HM13: variants seen among roughly 807,000 people sequenced by gnomAD.
HM13 encodes the protein signal peptide peptidase.
Under a neutral mutation model 50.0 loss-of-function variants are expected in HM13, and 18 were observed. That is an observed-to-expected ratio of 0.36 (90% CI 0.25 to 0.53). The LOEUF is 0.53. HM13 is among the 20% of genes least tolerant of loss of function. The pLI is 0.90. For missense variants in HM13, 393 were observed against 552.4 expected (o/e 0.71, Z 2.89); for synonymous variants, 197 against 232.6 (o/e 0.85, Z 1.39).
At position 31,554,669 on chromosome 20, in the gene HM13, G is replaced by A. The variant is rs1248764996; in HGVS notation, c.725-77G>A. ...TGCACTCCAGCCTGGGTGACAGTGC[G>A]AGACTCCGTCTCAAAAAAAAAAAAA... On this transcript the variant is annotated intron_variant, in intron 7 of 12. Coordinates refer to ENST00000398174, the MANE Select transcript of HM13 (RefSeq NM_178581.3). 1.2e-5 allele frequency: 15 copies of A among 1,251,582 alleles called. No individual in the cohort carries two copies. In the South Asian group the frequency reaches 1.4e-4, roughly 11 times the overall value. 77.5% of individuals were successfully genotyped at this position (1,251,582 alleles called of 1,614,324 possible).
intron 2 of HM13, chr20:31,527,853 G>A: frequency 2.9e-6 from 1 of 347,826 alleles, no homozygotes; most frequent in Non-Finnish European, 5.1e-6. Flanking sequence ...TGTTGGGATG[G>A]GGTATAGCTT....
At chr20:31,529,654 A>T (rs547478044) in intron 2 of HM13, among the ~76,000 whole-genome samples, 28 of 152,252 alleles carry the variant, frequency 1.8e-4, no homozygotes, top group Non-Finnish European at 2.6e-4. Flanking sequence ...AGTGGCCCAC[A>T]CCTGTGATCC....
intron 10 of HM13, among the ~76,000 whole-genome samples, chr20:31,564,713 G>A (rs1984795914): frequency 6.6e-6 from 1 of 151,500 alleles, no homozygotes; most frequent in African/African-American, 2.4e-5. Context: ...CATCTCTACT[G>A]AAAAATACAA....
chr20:31,542,460 G>T (rs552619975), intron 3 of HM13, among the ~76,000 whole-genome samples: 1 of 152,338 alleles, frequency 6.6e-6, no homozygotes, highest in East Asian at 1.9e-4. Context: ...GCTTGTCAGT[G>T]GGAAGCAATG....
At chr20:31,548,646 A>G (rs1185734986) in intron 4 of HM13, 1 of 281,482 alleles carries the variant, frequency 3.6e-6, no homozygotes, top group Non-Finnish European at 6.9e-6. Flanking sequence ...CAGCAGCCCT[A>G]AGAAGGGGTG....
intron 4 of HM13, chr20:31,548,100 G>T: frequency 8.4e-7 from 1 of 1,195,428 alleles, no homozygotes; most frequent in East Asian, 2.3e-5. Context: ...TGATTGTGTC[G>T]TATGTGTGTT....
chr20:31,539,020 A>G (rs1490393408), intron 3 of HM13: 4 of 941,476 alleles, frequency 4.2e-6, no homozygotes, highest in East Asian at 1.2e-4. Flanking sequence ...CTAATAAGCA[A>G]CAGAGCCAGG....
intron 10 of HM13, among the ~76,000 whole-genome samples, chr20:31,563,786 GA>G (rs1449622238): frequency 6.6e-6 from 1 of 152,106 alleles, no homozygotes; most frequent in Non-Finnish European, 1.5e-5. Flanking sequence ...CGTTAAGAAT[GA>G]AGTCTCCGGC....
At chr20:31,517,748 G>A (rs761357836) in intron 1 of HM13, among the ~76,000 whole-genome samples, 8 of 151,910 alleles carry the variant, frequency 5.3e-5, no homozygotes, top group African/African-American at 9.7e-5. Context: ...CAGGAAGCCC[G>A]TGGCCTTTCT....
At chr20:31,566,358 A>G in intron 11 of HM13, 63 bp downstream of exon 11, 9 of 1,329,396 alleles carry the variant, frequency 6.8e-6, no homozygotes, top group Non-Finnish European at 9.8e-6. Flanking sequence ...CAGTCAGTGG[A>G]ACCTGCTGGG....
Position 31,527,511 on chromosome 20 carries a change from A to G in HM13, c.211A>G (p.Thr71Ala). 1.2e-6 allele frequency: 2 copies of G among 1,614,018 alleles called. No individual in the cohort carries two copies. The highest frequency in any genetic ancestry group is 1.7e-6 in the Non-Finnish European group (2 of 1,179,938). Residue 71 changes from threonine (T) to alanine (A), a missense_variant, in exon 2 of 13, where the codon ACC (threonine) becomes GCC (alanine). By Grantham distance (58) the Thr-to-Ala change is moderately conservative. Transcript: ENST00000398174. ...TGCTTCAGACATGCCTGAAACAATC[A>G]CCAGCCGGGATGCCGCCCGCTTCCC... ...KNASDMPETI[T>A]SRDAARFPII...
In HM13 at chr20:31,548,100, G is replaced by A. The variant is rs892525471; in HGVS notation, c.455-929G>A. The A allele has an allele frequency of 1.3e-4, 157 of 1,195,306 alleles. No individual in the cohort carries two copies. In the Admixed American group the frequency reaches 2.0e-3, roughly 15 times the overall value. The allele number at this position is 1,195,306 out of a possible 1,614,324, so 74.0% of individuals were successfully genotyped here. ...GCTAAATGTGGATATTGATTGTGTC[G>A]TATGTGTGTTTGTGTCTGTGTGTGA... On this transcript the variant is annotated intron_variant, in intron 4 of 12. Coordinates refer to ENST00000398174, the MANE Select transcript of HM13 (RefSeq NM_178581.3).
chr20:31,539,062 C>T (rs1032452513), intron 3 of HM13: 2 of 985,272 alleles, frequency 2.0e-6, no homozygotes, highest in Non-Finnish European at 2.4e-6. Context: ...CAGAGCCCAT[C>T]CTCTTCCCAC....
At chr20:31,558,619 G>A (rs2122649251) in intron 8 of HM13, among the ~76,000 whole-genome samples, 2 of 152,152 alleles carry the variant, frequency 1.3e-5, no homozygotes, top group South Asian at 4.2e-4. Flanking sequence ...CCCAGCCTAG[G>A]TCTCATCCTG....
intron 1 of HM13, among the ~76,000 whole-genome samples, chr20:31,521,995 C>T (rs1356305959): frequency 6.6e-6 from 1 of 151,706 alleles, no homozygotes; most frequent in African/African-American, 2.4e-5. Flanking sequence ...TCTGACTCAG[C>T]ATTGCAGCAT....
At chr20:31,552,105 A>T (rs1052433698) in intron 7 of HM13, among the ~76,000 whole-genome samples, 1 of 151,878 alleles carries the variant, frequency 6.6e-6, no homozygotes, top group African/African-American at 2.4e-5. Flanking sequence ...AAGGGAACAG[A>T]TGCTGGGCCA....
intron 4 of HM13, among the ~76,000 whole-genome samples, chr20:31,546,406 G>A (rs1983722006): frequency 6.6e-6 from 1 of 151,854 alleles, no homozygotes; most frequent in South Asian, 2.1e-4. Context: ...TTATGTGATT[G>A]CTTTGTGCAT....
Position 31,568,113 on chromosome 20 carries a change from C to T in HM13, c.1070C>T (p.Pro357Leu), listed in dbSNP as rs778447839. ...ESSAEILPHT[P>L]RLTHFPTVSG... is the part of the protein sequence containing the mutation. ...TCGGCGGAAATCCTGCCTCATACCC[C>T]GAGGCTCACCCACTTCCCCACAGTC... Residue 357 changes from proline (P) to leucine (L), a missense_variant, in exon 12 of 13, where the codon CCG (proline) becomes CTG (leucine). Pro to Leu is a moderately conservative substitution (Grantham distance 98). Around this residue, in one of 3 missense-constraint regions of HM13, gnomAD observed 105 missense variants for 115.9 expected, o/e 0.91. Coordinates refer to ENST00000398174, the MANE Select transcript of HM13 (RefSeq NM_178581.3). 5.0e-6 allele frequency: 8 copies of T among 1,612,996 alleles called. No individual in the cohort carries two copies. The highest frequency in any genetic ancestry group is 6.8e-6 in the Non-Finnish European group (8 of 1,179,736).
chr20:31,532,074 AAAT>A (rs1982850712), intron 2 of HM13, among the ~76,000 whole-genome samples: 1 of 152,162 alleles, frequency 6.6e-6, no homozygotes, highest in African/African-American at 2.4e-5. Flanking sequence ...AGAGTGCACT[AAAT>A]AACATTGGCT....
Sources: allele counts gnomAD v4.1 joint callset (sites outside exome capture counted in the v4.1 genomes callset), GRCh38; gene constraint gnomAD v4.1.1; regional missense constraint gnomAD v4.1.1; transcripts MANE v1.5; gene names NCBI Gene and HGNC (gene_info 2026-07-23, HGNC 2026-07-21).